The following DIAPH3 variants were observed in gnomAD, a reference collection of about 807,000 sequenced individuals.
DIAPH3 encodes the protein protein diaphanous homolog 3.
Under a neutral mutation model 144.3 loss-of-function variants are expected in DIAPH3, and 117 were observed. The observed-to-expected ratio is 0.81, with a 90% CI of 0.70 to 0.95. The LOEUF (loss-of-function observed/expected upper bound fraction) is 0.95, where lower values mean the gene tolerates loss of function less well. Among genes scored for constraint, DIAPH3 ranks in the 40% least tolerant of loss-of-function variants. DIAPH3 has a pLI of 0.00. For synonymous variants in DIAPH3, 519 were observed against 488.9 expected (o/e 1.06, Z -0.81); for missense variants, 1,421 against 1,412.7 (o/e 1.01, Z -0.09).
chr13:59,810,923 G>A lies in DIAPH3; in HGVS notation c.3028C>T (p.Gln1010Ter), dbSNP rs1330526168. Residue 1010 changes from glutamine (Q) to a stop codon, truncating the protein, a stop_gained and splice_region_variant, in exon 25 of 28, where the codon CAA (glutamine) becomes TAA (stop). Transcript: ENST00000400324. LOFTEE classifies it high-confidence loss of function. ...TTTTTGATATTCTCCTTTATTGCTT[G>A]CTAAAAAAATTTTGAAAAATGATCA... is the stretch of plus-strand genomic sequence containing the variant. ...DLNNFRTTFM[Q>*]AIKENIKKRE... 3 of 1,256,222 alleles carry A rather than the reference G, an allele frequency of 2.4e-6. No homozygotes were observed. Among genetic ancestry groups the A allele is most frequent in the Non-Finnish European group, 3.1e-6 (3 of 952,820 alleles). The allele number at this position is 1,256,222 out of a possible 1,614,324, so 77.8% of individuals were successfully genotyped here.
At position 59,724,703 on chromosome 13, in the gene DIAPH3, T is replaced by G. The variant is rs143186151; in HGVS notation, c.3319+49486A>C. 3.9e-5 allele frequency among the ~76,000 whole-genome samples: 6 copies of G among 152,380 alleles called. No homozygotes were observed. In the East Asian group the frequency reaches 1.2e-3, roughly 29 times the overall value. On this transcript the variant is annotated intron_variant, in intron 27 of 27. Transcript: ENST00000400324. ...GCCATAAATTGCCGATTGCGTCAAA[T>G]GAGCTGGCTTTCCTTTATGGTAGTC... is the stretch of plus-strand genomic sequence containing the variant.
At chr13:60,067,472 T>A (rs916291377) in intron 4 of DIAPH3, among the ~76,000 whole-genome samples, 1 of 152,046 alleles carries the variant, frequency 6.6e-6, no homozygotes, top group African/African-American at 2.4e-5. Flanking sequence ...GATACAGCCA[T>A]GGATATATAC....
chr13:59,744,802 T>C (rs756012084), intron 27 of DIAPH3, among the ~76,000 whole-genome samples: 16 of 152,112 alleles, frequency 1.1e-4, no homozygotes, highest in Non-Finnish European at 2.4e-4. Context: ...ACAGTGCACC[T>C]GGACAAAGCA....
At chr13:59,856,776 C>T (rs2043278405) in intron 22 of DIAPH3, among the ~76,000 whole-genome samples, 1 of 152,008 alleles carries the variant, frequency 6.6e-6, no homozygotes, top group Admixed American at 6.6e-5. Context: ...ATTTTTGTTC[C>T]CTTGACCAGT....
At chr13:59,891,434 C>A (rs2045788521) in intron 20 of DIAPH3, among the ~76,000 whole-genome samples, 1 of 149,224 alleles carries the variant, frequency 6.7e-6, no homozygotes. Flanking sequence ...CAAAAAAACC[C>A]CAAAAATTAT....
At chr13:59,906,763 G>C (rs551943461) in intron 20 of DIAPH3, among the ~76,000 whole-genome samples, 24 of 152,236 alleles carry the variant, frequency 1.6e-4, no homozygotes, top group African/African-American at 5.3e-4. Context: ...CAAAAACCTA[G>C]AATTTTTAAT....
At chr13:60,143,193 G>A (rs1020291014) in intron 1 of DIAPH3, among the ~76,000 whole-genome samples, 5 of 152,106 alleles carry the variant, frequency 3.3e-5, no homozygotes, top group African/African-American at 1.2e-4. Context: ...CCTTTCAAAT[G>A]CTGCCTGATT....
chr13:59,666,612 G>T lies in DIAPH3; in HGVS notation c.3554C>A (p.Ala1185Asp). 2 of 1,614,002 alleles carry T rather than the reference G, an allele frequency of 1.2e-6. No homozygotes were observed. Among genetic ancestry groups the T allele is most frequent in the Non-Finnish European group, 1.7e-6 (2 of 1,179,988 alleles). Residue 1185 changes from alanine to aspartate, a missense_variant, in exon 28 of 28, where the codon GCC becomes GAC. Coordinates refer to ENST00000400324, the MANE Select transcript of DIAPH3 (RefSeq NM_001042517.2). The part of the protein sequence containing the change: ...SKNESVPEVE[A>D]LLARLRAL ...TAAAGCTCGTAATCTTGCCAGCAGG[G>T]CTTCAACTTCGGGAACTGATTCATT...
intron 17 of DIAPH3, among the ~76,000 whole-genome samples, chr13:59,966,957 C>A (rs1169151416): frequency 6.6e-6 from 1 of 152,210 alleles, no homozygotes; most frequent in African/African-American, 2.4e-5. Flanking sequence ...CTACCTCCTG[C>A]ACTGGCTTGC....
intron 4 of DIAPH3, among the ~76,000 whole-genome samples, chr13:60,044,686 T>C (rs1221875267): frequency 6.6e-6 from 1 of 152,170 alleles, no homozygotes; most frequent in Non-Finnish European, 1.5e-5. Flanking sequence ...TTCTCATATA[T>C]AGAGAGAATA....
At chr13:59,814,950 T>C (rs1294050331) in intron 24 of DIAPH3, among the ~76,000 whole-genome samples, 1 of 152,258 alleles carries the variant, frequency 6.6e-6, no homozygotes, top group Admixed American at 6.5e-5. Flanking sequence ...TGTCTCTCAG[T>C]GAATGGCTTA....
At chr13:59,678,356 A>G (rs767344222) in intron 27 of DIAPH3, among the ~76,000 whole-genome samples, 29 of 152,216 alleles carry the variant, frequency 1.9e-4, no homozygotes, top group Non-Finnish European at 5.9e-5. Flanking sequence ...CATAGGCATT[A>G]CCTTAAAGAG....
intron 27 of DIAPH3, among the ~76,000 whole-genome samples, chr13:59,737,002 C>T (rs559774964): frequency 5.9e-5 from 9 of 152,148 alleles, no homozygotes; most frequent in Non-Finnish European, 8.8e-5. Flanking sequence ...AAAATTAACA[C>T]GAGATGGACT....
At chr13:59,983,130 C>T (rs1379815648) in intron 13 of DIAPH3, among the ~76,000 whole-genome samples, 1 of 85,526 alleles carries the variant, frequency 1.2e-5, no homozygotes, top group Admixed American at 1.4e-4. Flanking sequence ...AATAATAATG[C>T]TTTATCTTTA....
chr13:60,006,233 C>T (rs1249513598), intron 9 of DIAPH3, among the ~76,000 whole-genome samples: 1 of 152,064 alleles, frequency 6.6e-6, no homozygotes, highest in Non-Finnish European at 1.5e-5. Flanking sequence ...AATTAGACTG[C>T]AATAGTCGAA....
chr13:60,005,969 T>C (rs2052850125), intron 9 of DIAPH3, among the ~76,000 whole-genome samples: 2 of 152,216 alleles, frequency 1.3e-5, no homozygotes, highest in Admixed American at 1.3e-4. Flanking sequence ...GATAGTTCTC[T>C]TTCTAGATAT....
chr13:59,832,902 G>T, intron 24 of DIAPH3: 1 of 521,126 alleles, frequency 1.9e-6, no homozygotes. Context: ...CAATCAAAAT[G>T]TCTGATTACA....
chr13:59,819,406 T>A (rs187980358), intron 24 of DIAPH3, among the ~76,000 whole-genome samples: 1 of 152,012 alleles, frequency 6.6e-6, no homozygotes, highest in East Asian at 1.9e-4. Flanking sequence ...GCCACGTTTT[T>A]AAAATAGTTT....
At chr13:60,123,118 A>G (rs994533287) in intron 2 of DIAPH3, among the ~76,000 whole-genome samples, 3 of 152,162 alleles carry the variant, frequency 2.0e-5, no homozygotes, top group African/African-American at 7.2e-5. Context: ...AGTAAAATTA[A>G]TAAGGAGTAA....
Sources: allele counts gnomAD v4.1 joint callset (sites outside exome capture counted in the v4.1 genomes callset), GRCh38; gene constraint gnomAD v4.1.1; transcripts MANE v1.5; gene names NCBI Gene and HGNC (gene_info 2026-07-23, HGNC 2026-07-21).